The following DLGAP4 variants were observed in gnomAD, a reference collection of about 807,000 sequenced individuals.
The protein encoded by DLGAP4 is disks large-associated protein 4.
Under a neutral mutation model 86.9 loss-of-function variants are expected in DLGAP4, and 18 were observed. The observed-to-expected ratio is 0.21, with a 90% confidence interval of 0.14 to 0.31. The LOEUF is 0.31. Among genes scored for constraint, DLGAP4 ranks in the 10% least tolerant of loss-of-function variants. DLGAP4 has a pLI of 1.00. For synonymous variants in DLGAP4, 548 were observed against 574.3 expected (o/e 0.95, Z 0.65); for missense variants, 1,085 against 1,362.6 (o/e 0.80, Z 3.21).
intron 2 of DLGAP4, among the ~76,000 whole-genome samples, chr20:36,428,090 C>T (rs2033029877): frequency 6.6e-6 from 1 of 152,074 alleles, no homozygotes; most frequent in Admixed American, 6.6e-5. Flanking sequence ...AACTAAACGT[C>T]CAACTCAAAA....
intron 1 of DLGAP4, among the ~76,000 whole-genome samples, chr20:36,310,036 G>A (rs1217053987): frequency 6.6e-6 from 1 of 152,084 alleles, no homozygotes; most frequent in African/African-American, 2.4e-5. Flanking sequence ...GACACTGCTG[G>A]CTGCAAGAAC....
At chr20:36,319,112 C>T (rs2065140849) in intron 1 of DLGAP4, among the ~76,000 whole-genome samples, 1 of 150,508 alleles carries the variant, frequency 6.6e-6, no homozygotes, top group South Asian at 2.1e-4. Flanking sequence ...CACTGCACTC[C>T]AGCCTGGCAA....
intron 8 of DLGAP4, chr20:36,497,410 G>T: frequency 2.6e-6 from 3 of 1,143,428 alleles, no homozygotes; most frequent in South Asian, 2.4e-5. Flanking sequence ...GCTGACCCGT[G>T]GGAGGCGGGA....
At chr20:36,407,541 A>G (rs2032360151) in intron 2 of DLGAP4, among the ~76,000 whole-genome samples, 2 of 152,160 alleles carry the variant, frequency 1.3e-5, no homozygotes, top group South Asian at 4.1e-4. Context: ...CTCAAGCACC[A>G]TGTAGCCCTG....
At chr20:36,310,731 T>C (rs2065046536) in intron 1 of DLGAP4, among the ~76,000 whole-genome samples, 1 of 152,154 alleles carries the variant, frequency 6.6e-6, no homozygotes, top group African/African-American at 2.4e-5. Flanking sequence ...GAAGGACAGC[T>C]TTTGTGTGTA....
At chr20:36,515,198 A>G (rs1301165842) in intron 10 of DLGAP4, among the ~76,000 whole-genome samples, 1 of 152,088 alleles carries the variant, frequency 6.6e-6, no homozygotes. Context: ...TCCTTAAAAA[A>G]CTTTTGTTTT....
rs772214025 is a variant in DLGAP4 at position 36,378,449 on chromosome 20, G to A, written c.-73+11174G>A. Among the ~76,000 whole-genome samples the A allele has an allele frequency of 1.3e-5, 2 of 152,128 alleles. 1 individual carries two copies. Among genetic ancestry groups the A allele is most frequent in the Non-Finnish European group, 2.9e-5 (2 of 68,010 alleles). ...TAATATGGGCTCAGTAAATGTTAAT[G>A]TTTTTTCCCTTGTCCTTTCCTACAG... is the stretch of plus-strand genomic sequence containing the variant. On this transcript the variant is annotated intron_variant, in intron 2 of 12. Transcript: ENST00000339266.
chr20:36,488,844 T>A (rs1357291881), intron 7 of DLGAP4, among the ~76,000 whole-genome samples: 1 of 152,226 alleles, frequency 6.6e-6, no homozygotes, highest in Non-Finnish European at 1.5e-5. Flanking sequence ...AGTGCTGGGA[T>A]TACAGGCGTG....
At chr20:36,380,639 GAGAGAGAGAGAGAGAGAGAGAGAGAAT>G (rs2031351292) in intron 2 of DLGAP4, among the ~76,000 whole-genome samples, 1 of 93,878 alleles carries the variant, frequency 1.1e-5, no homozygotes. Flanking sequence ...GAGAGAGAGA[GAGAGAGAGAGAGAGAGAGAGAGAGAAT>G]CTCAGAGGCA....
Position 36,431,969 on chromosome 20 carries a change from G to A in DLGAP4, c.252G>A (p.Glu84=), listed in dbSNP as rs1424973335. Reference sequence around the variant, plus strand: ...ACAACTCCCACTTCGAGGTGCCAGAGGAGAGCCCCTTCCCCAGCCATGCCC... The same window carrying A: ...ACAACTCCCACTTCGAGGTGCCAGAAGAGAGCCCCTTCCCCAGCCATGCCC... ...IHYNSHFEVP[E]ESPFPSHAQA... is the part of the protein sequence containing the mutation. Residue 84 remains glutamate (E), a synonymous_variant, in exon 3 of 13, where the codon GAG becomes GAA. Transcript: ENST00000339266. This position sits in a 1 kb window ranked among gnomAD's most constrained non-coding sequence, Gnocchi z 5.1. 1.2e-6 allele frequency: 2 copies of A among 1,614,084 alleles called. No individual in the cohort carries two copies. The highest frequency in any genetic ancestry group is 1.7e-5 in the Admixed American group (1 of 60,012).
At chr20:36,399,521 A>G (rs975755710) in intron 2 of DLGAP4, among the ~76,000 whole-genome samples, 4 of 152,186 alleles carry the variant, frequency 2.6e-5, no homozygotes, top group African/African-American at 9.7e-5. Context: ...CAGCCAAGGG[A>G]CAGAACTGCC....
intron 7 of DLGAP4, among the ~76,000 whole-genome samples, chr20:36,453,484 T>C (rs2033794724): frequency 6.6e-6 from 1 of 151,894 alleles, no homozygotes; most frequent in South Asian, 2.1e-4. Context: ...AACCTGTCTC[T>C]ACAAAATAAA....
chr20:36,461,667 GGCCCGGCCCGGCCCTGCCC>G, intron 7 of DLGAP4: 1 of 46,664 alleles, frequency 2.1e-5, no homozygotes, highest in Non-Finnish European at 2.6e-5. Context: ...CGCCCCGCCC[GGCCCGGCCCGGCCCTGCCC>G]CGCCCCCGCC....
chr20:36,353,653 A>C (rs1555893610), intron 1 of DLGAP4, among the ~76,000 whole-genome samples: 2 of 152,228 alleles, frequency 1.3e-5, no homozygotes, highest in African/African-American at 4.8e-5. Context: ...TGCCCTGGTC[A>C]CAAGAGTTGG....
intron 1 of DLGAP4, among the ~76,000 whole-genome samples, chr20:36,356,127 T>C (rs1235211355): frequency 2.6e-5 from 4 of 152,234 alleles, no homozygotes; most frequent in Admixed American, 6.5e-5. Context: ...AGACACCCTG[T>C]GTGCATTAGC....
At chr20:36,364,756 A>G (rs1355200637) in intron 1 of DLGAP4, among the ~76,000 whole-genome samples, 1 of 152,196 alleles carries the variant, frequency 6.6e-6, no homozygotes, top group African/African-American at 2.4e-5. Context: ...AGCATCACAG[A>G]TGGCCCGGAC....
In DLGAP4 at chr20:36,317,444, C is replaced by CTTTCT. The variant is rs1399148489; in HGVS notation, c.-304+10937_-304+10941dup. 6.2e-5 allele frequency among the ~76,000 whole-genome samples: 8 copies of CTTTCT among 128,820 alleles called. No individual in the cohort carries two copies. The East Asian group carries it at 1.1e-3, about 17-fold the overall frequency. 84.5% of individuals were successfully genotyped at this position (128,820 alleles called of 152,430 possible). On this transcript the variant is annotated intron_variant, in intron 1 of 12. Transcript: ENST00000339266. ...CTTTTCTTTTCTTCTTTCTTTTCTC[C>CTTTCT]TTTCTTTTCCTTCTCTTTCTTTTTT...
intron 1 of DLGAP4, among the ~76,000 whole-genome samples, chr20:36,327,444 C>G (rs1006385184): frequency 2.6e-5 from 4 of 152,102 alleles, no homozygotes; most frequent in African/African-American, 9.7e-5. Flanking sequence ...TGGCAGAGTG[C>G]AGCACAGGAA....
At chr20:36,369,419 C>T (rs954888771) in intron 2 of DLGAP4, among the ~76,000 whole-genome samples, 5 of 152,084 alleles carry the variant, frequency 3.3e-5, no homozygotes, top group Non-Finnish European at 7.3e-5. Context: ...ATGGTGAAAC[C>T]CTGTCTCCAC....
Sources: allele counts gnomAD v4.1 joint callset (sites outside exome capture counted in the v4.1 genomes callset), GRCh38; gene constraint gnomAD v4.1.1; non-coding constraint Gnocchi (gnomAD v3.1); transcripts MANE v1.5; gene names NCBI Gene and HGNC (gene_info 2026-07-23, HGNC 2026-07-21).